Variants in HTR3D observed in about 807,000 individuals in gnomAD.
HTR3D encodes 5-hydroxytryptamine receptor 3D, also known as 5-hydroxytryptamine (serotonin) receptor 3 family member D.
In HTR3D, 47 loss-of-function variants were observed where a neutral mutation model predicts 45.8. The ratio of observed to expected loss-of-function variants is 1.03; its 90% CI spans 0.81 to 1.31. The LOEUF is 1.31. Among genes scored for constraint, HTR3D ranks in the 50% most tolerant of loss-of-function variants. The pLI is 0.00. For missense variants in HTR3D, 448 were observed against 506.9 expected (o/e 0.88, Z 1.12); for synonymous variants, 203 against 199.8 (o/e 1.02, Z -0.13).
At chr3:184,037,202 G>T (rs886400808) in intron 5 of HTR3D, among the ~76,000 whole-genome samples, 1 of 151,888 alleles carries the variant, frequency 6.6e-6, no homozygotes, top group Non-Finnish European at 1.5e-5. Context: ...ACCATGCCCG[G>T]CTAATTTTTG....
chr3:184,034,975 A>T, intron 1 of HTR3D: 2 of 1,205,886 alleles, frequency 1.7e-6, no homozygotes, highest in Non-Finnish European at 1.1e-6. Flanking sequence ...GTCAAAACAT[A>T]TTCCCAATGG....
At chr3:184,032,737 A>AAG in intron 1 of HTR3D, 1 of 878,792 alleles carries the variant, frequency 1.1e-6, no homozygotes, top group East Asian at 2.6e-5. Flanking sequence ...TCACCTCATC[A>AAG]GTTTCCACCA....
chr3:184,038,501 C>A lies in HTR3D; in HGVS notation c.862C>A (p.Pro288Thr). The stretch of plus-strand genomic sequence containing the variant: ...CCTGCTGCACGTGGCCACCACCCAG[C>A]CCCTACCTCTGCCTCGGTGGCTCCA... ...THLLHVATTQ[P>T]LPLPRWLHSL... Residue 288 changes from proline (P) to threonine (T), a missense_variant, in exon 7 of 8, where the codon CCC (proline) becomes ACC (threonine). By Grantham distance (38) the Pro-to-Thr change is conservative. Coordinates refer to ENST00000428798, the MANE Select transcript of HTR3D (RefSeq NM_001145143.1). This position sits in a 1 kb window ranked among gnomAD's most constrained non-coding sequence, Gnocchi z 4.5. 3 of 1,614,036 alleles carry A rather than the reference C, an allele frequency of 1.9e-6. No homozygotes were observed. The highest frequency in any genetic ancestry group is 1.7e-4 in the Middle Eastern group (1 of 5,962).
intron 3 of HTR3D, 118 bp from the exon 4 acceptor site, chr3:184,036,257 C>A (rs6779545): frequency 0.45 from 677,997 of 1,496,234 alleles, 157,038 homozygotes; most frequent in African/African-American, 0.67. Context: ...TAGAAGAGAG[C>A]AGTCATCTGA....
rs749659032 is a variant in HTR3D, at chr3:184,032,820, G to A, written c.66+1013G>A. The stretch of plus-strand genomic sequence containing the variant: ...TCACATGCTTCTCCCAGTGCCCCCT[G>A]TTTTCTCTCCATGCAGAAACACTCT... On this transcript the variant is annotated intron_variant, in intron 1 of 7. Coordinates refer to ENST00000428798, the MANE Select transcript of HTR3D (RefSeq NM_001145143.1). 5 of 1,543,962 alleles carry A rather than the reference G, an allele frequency of 3.2e-6. No individual in the cohort carries two copies. The South Asian group carries it at 4.8e-5, about 15-fold the overall frequency.
In HTR3D at chr3:184,038,068, T is replaced by C. The variant is rs1395435400; in HGVS notation, c.564T>C (p.Phe188=). 6.2e-7 allele frequency: 1 copy of C among 1,614,184 alleles called. No individual in the cohort carries two copies. Among genetic ancestry groups the C allele is most frequent in the Non-Finnish European group, 8.5e-7 (1 of 1,180,034 alleles). Residue 188 remains phenylalanine (F), a synonymous_variant, in exon 6 of 8, where the codon TTT becomes TTC. Coordinates refer to ENST00000428798, the MANE Select transcript of HTR3D (RefSeq NM_001145143.1). This position sits in a 1 kb window ranked among gnomAD's most constrained non-coding sequence, Gnocchi z 4.5. The part of the protein sequence containing the change: ...RCRPSPYVVN[F]LVPSGILIAI... ...GGCCCAGCCCCTACGTGGTAAACTTTCTGGTGCCCAGTGGCATTCTGATTG... is the reference window on the plus strand; with the variant it reads ...GGCCCAGCCCCTACGTGGTAAACTTCCTGGTGCCCAGTGGCATTCTGATTG...
At chr3:184,037,261 A>C (rs938334587) in intron 5 of HTR3D, among the ~76,000 whole-genome samples, 1 of 151,854 alleles carries the variant, frequency 6.6e-6, no homozygotes, top group Admixed American at 6.6e-5. Context: ...GCCGGTCTCA[A>C]AGTCCTGAAC....
chr3:184,037,025 G>A (rs938435517), intron 5 of HTR3D, 129 bp downstream of exon 5: 2 of 806,990 alleles, frequency 2.5e-6, no homozygotes, highest in East Asian at 2.7e-5. Context: ...ACGAAGCCCG[G>A]CCTTTGTCAC....
At chr3:184,037,602 A>G (rs963150774) in intron 5 of HTR3D, among the ~76,000 whole-genome samples, 24 of 152,214 alleles carry the variant, frequency 1.6e-4, no homozygotes, top group African/African-American at 5.8e-4. Flanking sequence ...TGATAACCCC[A>G]AAATATCTGA....
At chr3:184,032,659 C>T (rs1722781285) in intron 1 of HTR3D, among the ~76,000 whole-genome samples, 1 of 152,128 alleles carries the variant, frequency 6.6e-6, no homozygotes, top group Admixed American at 6.5e-5. Context: ...GTTGAGTTTG[C>T]ATACACATCT....
In HTR3D at chr3:184,039,049, G is replaced by GTCCAAATT. The variant is rs1553796209; in HGVS notation, c.*76_*77insCAAATTTC. On this transcript the variant is annotated 3_prime_UTR_variant, in exon 8 of 8. Coordinates refer to ENST00000428798, the MANE Select transcript of HTR3D (RefSeq NM_001145143.1). ...ACTCCAGAAACCAGTCAGGCTCTCA[G>GTCCAAATT]TCAGCCTTGTGGCCCTGTCAACCGC... The GTCCAAATT allele has an allele frequency of 1.2e-4, 178 of 1,515,482 alleles. 1 individual carries two copies. Among genetic ancestry groups the GTCCAAATT allele is most frequent in the African/African-American group, 5.4e-4 (39 of 72,828 alleles). 93.9% of individuals were successfully genotyped at this position (1,515,482 alleles called of 1,614,324 possible). A position where few individuals can be genotyped will look rare whatever the true frequency, so the allele number is the denominator to read the frequency against.
In HTR3D at chr3:184,035,981, C is replaced by T. The variant is rs1197897406; in HGVS notation, c.112-34C>T. The stretch of plus-strand genomic sequence containing the variant: ...GTGCTGGGATTACAGACAGAAGCCA[C>T]CATGCCCGGCCTTGGCACAATCAAT... On this transcript the variant is annotated intron_variant, in intron 2 of 7. Transcript: ENST00000428798. 3 of 1,547,032 alleles carry T rather than the reference C, an allele frequency of 1.9e-6. No homozygotes were observed. In the South Asian group the frequency reaches 3.6e-5, roughly 19 times the overall value.
intron 1 of HTR3D, among the ~76,000 whole-genome samples, chr3:184,034,369 T>G (rs1364641585): frequency 1.3e-5 from 2 of 152,238 alleles, no homozygotes; most frequent in Non-Finnish European, 2.9e-5. Context: ...ATAGTGTATT[T>G]GTCTAATTTT....
intron 3 of HTR3D, 85 bp downstream of exon 3, chr3:184,036,185 A>T: frequency 6.7e-7 from 1 of 1,492,700 alleles, no homozygotes; most frequent in East Asian, 2.5e-5. Context: ...ACAAAGACTC[A>T]ACTTAGAAAA....
rs202218977 is a variant in HTR3D, at chr3:184,035,201, A to T, written c.90A>T (p.Thr30=). The change falls in exon 2 of 8, where the codon ACA becomes ACT. Residue 30 remains threonine (T), a synonymous_variant. Coordinates refer to ENST00000428798, the MANE Select transcript of HTR3D (RefSeq NM_001145143.1). ...AGGATTCACACCTTCAACTGGTGAC[A>T]TCGTTCCTGTGGCTAAATATGGTAT... ...LLQDSHLQLV[T]SFLWLNMWNP... is the part of the protein sequence containing the mutation. 1,899 of 1,552,088 alleles carry T rather than the reference A, an allele frequency of 1.2e-3. 3 individuals carry two copies. Among genetic ancestry groups the T allele is most frequent in the Non-Finnish European group, 1.4e-3 (1,650 of 1,147,122 alleles).
Position 184,038,689 on chromosome 3 carries a change from T to A in HTR3D, c.986-57T>A, listed in dbSNP as rs1204449746. The stretch of plus-strand genomic sequence containing the variant: ...CTCTGCTCCTGCCTCCTTCCCTGTC[T>A]CCCTCCCTCCACAGGTGACATTTGC... On this transcript the variant is annotated intron_variant, in intron 7 of 7. Coordinates refer to ENST00000428798, the MANE Select transcript of HTR3D (RefSeq NM_001145143.1). This position sits in a 1 kb window ranked among gnomAD's most constrained non-coding sequence, Gnocchi z 4.5. 2.6e-6 allele frequency: 4 copies of A among 1,563,144 alleles called. No individual in the cohort carries two copies. The Admixed American group carries it at 7.6e-5, about 30-fold the overall frequency.
In HTR3D at chr3:184,031,801, G is replaced by A. The variant is rs368896288; in HGVS notation, c.60G>A (p.Leu20=). ...GFLLGFILHL[L]LQDSHLQLVT... is the part of the protein sequence containing the mutation. Reference sequence around the variant, plus strand: ...TCCTTGGCTTCATCCTCCACCTGCTGCTGCAAGTACCTTAAGATAAGAGCA... The same window carrying A: ...TCCTTGGCTTCATCCTCCACCTGCTACTGCAAGTACCTTAAGATAAGAGCA... Residue 20 remains leucine (L), a synonymous_variant, in exon 1 of 8, where the codon CTG becomes CTA. Coordinates refer to ENST00000428798, the MANE Select transcript of HTR3D (RefSeq NM_001145143.1). 226 of 1,550,696 alleles carry A rather than the reference G, an allele frequency of 1.5e-4. No individual in the cohort carries two copies. The highest frequency in any genetic ancestry group is 1.9e-4 in the Non-Finnish European group (216 of 1,146,312).
At chr3:184,033,990 C>T (rs1032495797) in intron 1 of HTR3D, among the ~76,000 whole-genome samples, 1 of 152,120 alleles carries the variant, frequency 6.6e-6, no homozygotes, top group African/African-American at 2.4e-5. Flanking sequence ...GAAATTGGAA[C>T]CCTTGTGCAC....
At chr3:184,035,986 C>T (rs1400236068) in intron 2 of HTR3D, 29 bp from the exon 3 acceptor site, 7 of 1,548,006 alleles carry the variant, frequency 4.5e-6, no homozygotes, top group African/African-American at 1.4e-5. Context: ...AGCCACCATG[C>T]CCGGCCTTGG....
Sources: allele counts gnomAD v4.1 joint callset (sites outside exome capture counted in the v4.1 genomes callset), GRCh38; gene constraint gnomAD v4.1.1; non-coding constraint Gnocchi (gnomAD v3.1); transcripts MANE v1.5; gene names NCBI Gene and HGNC (gene_info 2026-07-23, HGNC 2026-07-21).